The following ARMC8 variants were observed in gnomAD, a reference collection of about 807,000 sequenced individuals.
ARMC8 encodes the protein armadillo repeat containing 8, also known as armadillo repeat-containing protein 8.
A neutral mutation model predicts 99.3 loss-of-function variants in ARMC8; 20 were observed. The observed-to-expected ratio is 0.20, with a 90% CI of 0.14 to 0.29. The LOEUF (loss-of-function observed/expected upper bound fraction) is 0.29, where lower values mean the gene tolerates loss of function less well. ARMC8 is among the 10% of genes least tolerant of loss of function. The probability of loss-of-function intolerance (pLI) is 1.00; values close to 1 mark genes in which losing one functional copy is unlikely to be tolerated. For missense variants in ARMC8, 569 were observed against 809.5 expected (o/e 0.70, Z 3.60); for synonymous variants, 263 against 278.3 (o/e 0.95, Z 0.55).
chr3:138,250,370 A>G (rs1235027014), intron 12 of ARMC8, among the ~76,000 whole-genome samples: 2 of 152,120 alleles, frequency 1.3e-5, no homozygotes, highest in African/African-American at 2.4e-5. Flanking sequence ...AAGATGACCA[A>G]CATTGAAGGT....
chr3:138,252,406 A>G (rs1447146915), intron 12 of ARMC8, among the ~76,000 whole-genome samples: 3 of 151,980 alleles, frequency 2.0e-5, no homozygotes, highest in East Asian at 1.9e-4. Flanking sequence ...CCTTACAGAA[A>G]AAGTTTGCCC....
At chr3:138,240,574 A>G (rs1297914608) in intron 10 of ARMC8, among the ~76,000 whole-genome samples, 1 of 152,240 alleles carries the variant, frequency 6.6e-6, no homozygotes, top group African/African-American at 2.4e-5. Context: ...ATTAGTAACT[A>G]GTAATGTTAG....
At chr3:138,224,667 C>G (rs2045589582) in intron 5 of ARMC8, among the ~76,000 whole-genome samples, 1 of 152,214 alleles carries the variant, frequency 6.6e-6, no homozygotes, top group Non-Finnish European at 1.5e-5. Context: ...ATGAAAATCA[C>G]TTGAACCCAG....
chr3:138,267,117 T>C (rs1162255774), intron 14 of ARMC8, 38 bp from the exon 15 acceptor site: 1 of 1,066,768 alleles, frequency 9.4e-7, no homozygotes, highest in Non-Finnish European at 1.4e-6. Context: ...ATCTTCATCA[T>C]TCCAAATCAT....
chr3:138,250,885 G>A (rs1433103686), intron 12 of ARMC8, among the ~76,000 whole-genome samples: 1 of 151,990 alleles, frequency 6.6e-6, no homozygotes, highest in South Asian at 2.1e-4. Flanking sequence ...GGTGGCTCAC[G>A]CCTGTAATTC....
intron 12 of ARMC8, chr3:138,245,787 C>T (rs1019092693): frequency 1.0e-6 from 1 of 986,044 alleles, no homozygotes; most frequent in African/African-American, 1.7e-5. Context: ...ACACTGAACT[C>T]ATGTTCTTGA....
chr3:138,235,140 A>G (rs1477612168), intron 7 of ARMC8, 26 bp downstream of exon 7: 1 of 1,480,064 alleles, frequency 6.8e-7, no homozygotes, highest in Non-Finnish European at 9.4e-7. Context: ...TTGTGGCCAG[A>G]TTTGTATACC....
chr3:138,234,216 A>G (rs1456128761), intron 6 of ARMC8, among the ~76,000 whole-genome samples: 2 of 151,986 alleles, frequency 1.3e-5, no homozygotes, highest in Non-Finnish European at 2.9e-5. Context: ...GGTTCAAGCA[A>G]TTCTCCTGCC....
chr3:138,284,407 T>G (rs780294149), intron 18 of ARMC8, 24 bp from the exon 19 acceptor site: 1 of 1,583,244 alleles, frequency 6.3e-7, no homozygotes, highest in Admixed American at 1.7e-5. Flanking sequence ...CTTTCCTGAC[T>G]GTTGGCCCTT....
intron 12 of ARMC8, among the ~76,000 whole-genome samples, chr3:138,248,723 C>G (rs527449423): frequency 2.0e-5 from 3 of 152,188 alleles, no homozygotes; most frequent in Non-Finnish European, 4.4e-5. Context: ...AAGGATTATC[C>G]TCTCTTACTC....
intron 1 of ARMC8, among the ~76,000 whole-genome samples, chr3:138,192,502 C>T (rs1310947160): frequency 2.0e-5 from 3 of 152,024 alleles, no homozygotes; most frequent in Non-Finnish European, 4.4e-5. Flanking sequence ...TAGTCTCAAT[C>T]TCCTGACCTC....
Position 138,290,550 on chromosome 3 carries a change from A to T in ARMC8, c.1899A>T (p.Ser633=). The T allele has an allele frequency of 6.2e-7, 1 of 1,600,572 alleles. No individual in the cohort carries two copies. Among genetic ancestry groups the T allele is most frequent in the East Asian group, 2.2e-5 (1 of 44,572 alleles). ...SNLIWNEEEG[S]QERQDKLRDM... ...AACCTGGCTTTAATCGTTTAGGTTC[A>T]CAAGAACGCCAGGATAAATTACGAG... The change falls in exon 21 of 22, where the codon TCA becomes TCT. Residue 633 remains serine, a synonymous_variant. Coordinates refer to ENST00000469044, the MANE Select transcript of ARMC8 (RefSeq NM_001363941.2).
At chr3:138,225,361 G>A (rs1296299478) in intron 5 of ARMC8, among the ~76,000 whole-genome samples, 4 of 152,020 alleles carry the variant, frequency 2.6e-5, no homozygotes, top group African/African-American at 9.7e-5. Context: ...TGCCCGCCTC[G>A]GCCTCCCAAA....
chr3:138,284,394 G>A (rs1485644204), intron 18 of ARMC8, 37 bp from the exon 19 acceptor site: 2 of 1,537,216 alleles, frequency 1.3e-6, no homozygotes, highest in Non-Finnish European at 9.0e-7. Context: ...TGGGACTTCA[G>A]AGCTTTCCTG....
At chr3:138,235,988 A>T (rs967184279) in intron 7 of ARMC8, among the ~76,000 whole-genome samples, 1 of 151,822 alleles carries the variant, frequency 6.6e-6, no homozygotes, top group Non-Finnish European at 1.5e-5. Context: ...TCTATATTTT[A>T]GTAGAGACAG....
rs182481047 is a variant in ARMC8 at position 138,296,540 on chromosome 3, A to T, written c.*648A>T. ...CTCAACTTACATAGATTTTCTTTAT[A>T]TAAAAAAAAAGAAAAAAAAAGAAAA... On this transcript the variant is annotated 3_prime_UTR_variant, in exon 22 of 22. Coordinates refer to ENST00000469044, the MANE Select transcript of ARMC8 (RefSeq NM_001363941.2). The T allele has an allele frequency of 3.5e-4, 53 of 152,010 alleles. No individual in the cohort carries two copies. Among genetic ancestry groups the T allele is most frequent in the Middle Eastern group, 3.4e-3 (1 of 294 alleles). 9.4% of individuals were successfully genotyped at this position (152,010 alleles called of 1,614,324 possible). A position where few individuals can be genotyped will look rare whatever the true frequency, so the allele number is the denominator to read the frequency against.
At chr3:138,229,291 C>T (rs960749966) in intron 6 of ARMC8, among the ~76,000 whole-genome samples, 35 of 147,228 alleles carry the variant, frequency 2.4e-4, no homozygotes, top group South Asian at 4.3e-4. Flanking sequence ...CTTGACATAT[C>T]TCTAAGGCTA....
At chr3:138,200,571 T>C (rs1035993177) in intron 1 of ARMC8, among the ~76,000 whole-genome samples, 5 of 152,180 alleles carry the variant, frequency 3.3e-5, no homozygotes, top group African/African-American at 9.7e-5. Flanking sequence ...CTTTAGTCCT[T>C]GCCCACTAGA....
chr3:138,226,282 C>T (rs2045693580), intron 5 of ARMC8, among the ~76,000 whole-genome samples: 1 of 152,238 alleles, frequency 6.6e-6, no homozygotes, highest in Admixed American at 6.5e-5. Context: ...GCGTGAGCCA[C>T]TGCGCCCAGC....
Sources: allele counts gnomAD v4.1 joint callset (sites outside exome capture counted in the v4.1 genomes callset), GRCh38; gene constraint gnomAD v4.1.1; transcripts MANE v1.5; gene names NCBI Gene and HGNC (gene_info 2026-07-23, HGNC 2026-07-21).